SLC31A1: variants seen among roughly 807,000 people sequenced by gnomAD.
The protein encoded by SLC31A1 is high affinity copper uptake protein 1.
SLC31A1 carries 5 observed loss-of-function variants against 17.2 expected under a neutral mutation model. That is an observed-to-expected ratio of 0.29 (90% CI 0.15 to 0.61). The LOEUF (loss-of-function observed/expected upper bound fraction) is 0.61, where lower values mean the gene tolerates loss of function less well. SLC31A1 is among the 20% of genes least tolerant of loss of function. The pLI, the probability that SLC31A1 is intolerant of heterozygous loss-of-function variation, is 0.86. For missense variants in SLC31A1, 161 were observed against 241.4 expected (o/e 0.67, Z 2.21); for synonymous variants, 76 against 78.8 (o/e 0.96, Z 0.19).
intron 1 of SLC31A1, among the ~76,000 whole-genome samples, chr9:113,247,253 A>G (rs1164575202): frequency 6.6e-6 from 1 of 152,226 alleles, no homozygotes; most frequent in Admixed American, 6.5e-5. Context: ...AAAAAGGAAT[A>G]TGACCCTAAT....
chr9:113,258,927 C>T lies in SLC31A1; in HGVS notation c.371+65C>T. On this transcript the variant is annotated intron_variant, in intron 4 of 4. Transcript: ENST00000374212. The surrounding 1 kb of genome is among the most constrained non-coding windows in gnomAD (Gnocchi z 4.8). ...CGATCAGTTAAGCAGCAAAGCGCAG[C>T]TGTGTGATCAGCAGCAGCCCTCTTC... 6.6e-7 allele frequency: 1 copy of T among 1,513,226 alleles called. No homozygotes were observed. The highest frequency in any genetic ancestry group is 2.3e-5 in the East Asian group (1 of 44,364). 93.7% of individuals were successfully genotyped at this position (1,513,226 alleles called of 1,614,324 possible).
At chr9:113,251,527 T>G (rs1318572087) in intron 1 of SLC31A1, among the ~76,000 whole-genome samples, 2 of 152,084 alleles carry the variant, frequency 1.3e-5, no homozygotes, top group African/African-American at 4.8e-5. Flanking sequence ...AAGCTGAGCT[T>G]AAGTCAGATT....
In SLC31A1 at chr9:113,258,900, C is replaced by G; in HGVS notation, c.371+38C>G. On this transcript the variant is annotated intron_variant, in intron 4 of 4. Coordinates refer to ENST00000374212, the MANE Select transcript of SLC31A1 (RefSeq NM_001859.4). This position sits in a 1 kb window ranked among gnomAD's most constrained non-coding sequence, Gnocchi z 4.8. ...CAGATCCAGATGAAGTCCTAAAGAA[C>G]TCGATCAGTTAAGCAGCAAAGCGCA... The G allele has an allele frequency of 1.2e-6, 2 of 1,605,102 alleles. No individual in the cohort carries two copies. The highest frequency in any genetic ancestry group is 1.7e-6 in the Non-Finnish European group (2 of 1,171,818).
At chr9:113,244,747 A>G (rs7041615) in intron 1 of SLC31A1, among the ~76,000 whole-genome samples, 76,048 of 151,966 alleles carry the variant, frequency 0.5, 19,341 homozygotes, top group South Asian at 0.61. Flanking sequence ...TAAGATTTGT[A>G]TGTGGGCGTG....
intron 2 of SLC31A1, chr9:113,256,502 C>A: frequency 4.6e-6 from 2 of 438,838 alleles, no homozygotes; most frequent in Non-Finnish European, 8.2e-6. Context: ...TTGGTGGTCC[C>A]TTCTGAAATC....
At chr9:113,237,678 TCA>T (rs1252086393) in intron 1 of SLC31A1, among the ~76,000 whole-genome samples, 4 of 152,178 alleles carry the variant, frequency 2.6e-5, no homozygotes, top group African/African-American at 9.6e-5. Flanking sequence ...CCTTTATACC[TCA>T]GTTTTCCATC....
At chr9:113,257,478 A>ATTTTTTTTTT (rs532189321) in intron 3 of SLC31A1, among the ~76,000 whole-genome samples, 1 of 101,184 alleles carries the variant, frequency 9.9e-6, no homozygotes, top group Non-Finnish European at 1.9e-5. Flanking sequence ...AGAGTGTTTA[A>ATTTTTTTTTT]TTTTTTTTTT....
intron 1 of SLC31A1, among the ~76,000 whole-genome samples, chr9:113,241,201 A>G (rs528772449): frequency 3.2e-4 from 48 of 152,308 alleles, no homozygotes; most frequent in Middle Eastern, 3.4e-3. Context: ...AAATCAGTGT[A>G]TCAATATCAG....
chr9:113,237,846 A>G (rs1831478872), intron 1 of SLC31A1, among the ~76,000 whole-genome samples: 1 of 152,244 alleles, frequency 6.6e-6, no homozygotes, highest in Non-Finnish European at 1.5e-5. Context: ...CAGACTTAGA[A>G]TCAATCAATC....
chr9:113,224,031 C>T (rs1334839914), intron 1 of SLC31A1, among the ~76,000 whole-genome samples: 1 of 152,202 alleles, frequency 6.6e-6, no homozygotes, highest in African/African-American at 2.4e-5. Context: ...CATTCTTTTG[C>T]CATTCTTTTA....
rs1333580593 is a variant in SLC31A1, at chr9:113,261,677, A to G, written c.*1204A>G. 2.0e-5 allele frequency: 3 copies of G among 152,480 alleles called. No homozygotes were observed. The highest frequency in any genetic ancestry group is 7.2e-5 in the African/African-American group (3 of 41,458). The allele number at this position is 152,480 out of a possible 1,614,324, so 9.4% of individuals were successfully genotyped here. The stretch of plus-strand genomic sequence containing the variant: ...TTTTCAAGCTTTAGCGTGCATCAGA[A>G]TCACCTGTAGGGCTTGTTAAAACAC... On this transcript the variant is annotated 3_prime_UTR_variant, in exon 5 of 5. Transcript: ENST00000374212.
In SLC31A1 at chr9:113,263,654, A is replaced by G. The variant is rs1831818515; in HGVS notation, c.*3181A>G. ...GATATAATACCAACCAGAAATTGGC[A>G]TTTATAAACCTGTTAAGAGACTTTA... On this transcript the variant is annotated 3_prime_UTR_variant, in exon 5 of 5. Coordinates refer to ENST00000374212, the MANE Select transcript of SLC31A1 (RefSeq NM_001859.4). 6.6e-6 allele frequency: 1 copy of G among 152,572 alleles called. No homozygotes were observed. 9.5% of individuals were successfully genotyped at this position (152,572 alleles called of 1,614,324 possible). A position where few individuals can be genotyped will look rare whatever the true frequency, so the allele number is the denominator to read the frequency against.
chr9:113,229,492 TCTG>T (rs1171556613), intron 1 of SLC31A1, among the ~76,000 whole-genome samples: 1 of 152,256 alleles, frequency 6.6e-6, no homozygotes, highest in Non-Finnish European at 1.5e-5. Flanking sequence ...TCATTCTTAT[TCTG>T]CTAAGTATTC....
chr9:113,257,625 A>ACC (rs1431963733), intron 3 of SLC31A1, among the ~76,000 whole-genome samples: 1 of 151,632 alleles, frequency 6.6e-6, no homozygotes, highest in Non-Finnish European at 1.5e-5. Context: ...AGCTGGAGTT[A>ACC]AACAGGCACC....
intron 1 of SLC31A1, among the ~76,000 whole-genome samples, chr9:113,248,462 CTTTTTT>C (rs34154634): frequency 2.3e-5 from 2 of 86,552 alleles, no homozygotes; most frequent in Non-Finnish European, 4.2e-5. Context: ...GAAAGCAGTC[CTTTTTT>C]TTTTTTTTTT....
intron 1 of SLC31A1, among the ~76,000 whole-genome samples, chr9:113,231,105 C>G (rs1005580705): frequency 2.0e-5 from 3 of 152,134 alleles, no homozygotes; most frequent in African/African-American, 7.2e-5. Context: ...CCTGCTCAGC[C>G]TTGACACACC....
chr9:113,240,999 G>A (rs926102238), intron 1 of SLC31A1, among the ~76,000 whole-genome samples: 8 of 148,410 alleles, frequency 5.4e-5, no homozygotes, highest in East Asian at 2.0e-4. Flanking sequence ...GCAGTGAGCC[G>A]AGATCGTGCC....
At position 113,263,617 on chromosome 9, in the gene SLC31A1, T is replaced by C. The variant is rs1217974752; in HGVS notation, c.*3144T>C. On this transcript the variant is annotated 3_prime_UTR_variant, in exon 5 of 5. Coordinates refer to ENST00000374212, the MANE Select transcript of SLC31A1 (RefSeq NM_001859.4). The stretch of plus-strand genomic sequence containing the variant: ...ATAGCCCTCCTGATGCAGTAGACAG[T>C]GCTATGCTGTGGATATAATACCAAC... 6.6e-6 allele frequency: 1 copy of C among 152,644 alleles called. No individual in the cohort carries two copies. The highest frequency in any genetic ancestry group is 1.5e-5 in the Non-Finnish European group (1 of 68,044). The allele number at this position is 152,644 out of a possible 1,614,324, so 9.5% of individuals were successfully genotyped here.
rs530131698 is a variant in SLC31A1, at chr9:113,260,083, T to G, written c.372-189T>G. 2.4e-4 allele frequency among the ~76,000 whole-genome samples: 37 copies of G among 152,272 alleles called. 1 individual carries two copies. Among genetic ancestry groups the G allele is most frequent in the Non-Finnish European group, 1.2e-4 (8 of 68,020 alleles). On this transcript the variant is annotated intron_variant, in intron 4 of 4. Transcript: ENST00000374212. ...AGGAACCACAGCCATATCTGGCCAA[T>G]GTTTATAAGCCTGACAGCCCTGTGC...
Sources: allele counts gnomAD v4.1 joint callset (sites outside exome capture counted in the v4.1 genomes callset), GRCh38; gene constraint gnomAD v4.1.1; non-coding constraint Gnocchi (gnomAD v3.1); transcripts MANE v1.5; gene names NCBI Gene and HGNC (gene_info 2026-07-23, HGNC 2026-07-21).